Variants in TRNT1 observed in about 807,000 individuals in gnomAD.
TRNT1 encodes tRNA nucleotidyl transferase 1, also known as CCA tRNA nucleotidyltransferase 1, mitochondrial.
Under a neutral mutation model 45.6 loss-of-function variants are expected in TRNT1, and 44 were observed. The observed-to-expected ratio is 0.97, with a 90% CI of 0.76 to 1.24. The LOEUF is 1.24. Among genes scored for constraint, TRNT1 ranks in the 50% most tolerant of loss-of-function variants. The probability of loss-of-function intolerance (pLI) is 0.00; values close to 1 mark genes in which losing one functional copy is unlikely to be tolerated. For synonymous variants in TRNT1, 201 were observed against 171.4 expected (o/e 1.17, Z -1.35); for missense variants, 633 against 504.4 (o/e 1.25, Z -2.44).
intron 2 of TRNT1, chr3:3,131,596 A>G (rs977011192): frequency 7.0e-6 from 1 of 143,516 alleles, no homozygotes; most frequent in African/African-American, 2.5e-5. Flanking sequence ...AAACCTAGGC[A>G]TTACCATTCA....
Position 3,148,099 on chromosome 3 carries a change from A to G in TRNT1, c.1250A>G (p.Lys417Arg), listed in dbSNP as rs754594913. 1.2e-6 allele frequency: 2 copies of G among 1,613,924 alleles called. No individual in the cohort carries two copies. Among genetic ancestry groups the G allele is most frequent in the South Asian group, 2.2e-5 (2 of 91,078 alleles). ...CAACAGTTGCGAGAACAGTGGAAAA[A>G]AAGTGGTTACCAAATGGAAAAAGAT... is the stretch of plus-strand genomic sequence containing the variant. ...LLQQLREQWK[K>R]SGYQMEKDEL... Residue 417 changes from lysine to arginine, a missense_variant, in exon 8 of 8, where the codon AAA becomes AGA. Physicochemically the swap from Lys to Arg is conservative, Grantham distance 26. Transcript: ENST00000251607.
chr3:3,148,262 A>G lies in TRNT1; in HGVS notation c.*108A>G, dbSNP rs1439028674. 1.7e-6 allele frequency: 2 copies of G among 1,202,702 alleles called. No homozygotes were observed. The highest frequency in any genetic ancestry group is 2.3e-6 in the Non-Finnish European group (2 of 859,052). The allele number at this position is 1,202,702 out of a possible 1,614,324, so 74.5% of individuals were successfully genotyped here. ...ACCAGAATAAAAGACAGTTTAGGGG[A>G]CCTCTGTAGAACAACAAGGGTCTTA... On this transcript the variant is annotated 3_prime_UTR_variant, in exon 8 of 8. Transcript: ENST00000251607.
downstream of TRNT1, chr3:3,150,502 ATTGTAGGAAT>A (rs1706446652): frequency 9.3e-6 from 2 of 216,042 alleles, no homozygotes; most frequent in South Asian, 1.3e-4. Context: ...TCAGTTTCAC[ATTGTAGGAAT>A]TTAAGATTTT....
At chr3:3,137,147 A>T in intron 2 of TRNT1, 113 bp from the exon 3 acceptor site, 2 of 801,062 alleles carry the variant, frequency 2.5e-6, no homozygotes, top group Non-Finnish European at 3.7e-6. Context: ...AGCCTCAGTT[A>T]AATGAATCTC....
rs2126017083 is a variant in TRNT1 at position 3,137,151 on chromosome 3, G to C, written c.149-109G>C. On this transcript the variant is annotated intron_variant, in intron 2 of 7. Coordinates refer to ENST00000251607, the MANE Select transcript of TRNT1 (RefSeq NM_182916.3). Reference sequence around the variant, plus strand: ...TTCATATGAAAAGCCTCAGTTAAATGAATCTCTGCTGTTCCAACTAGATGG... The same window carrying C: ...TTCATATGAAAAGCCTCAGTTAAATCAATCTCTGCTGTTCCAACTAGATGG... 3 of 823,280 alleles carry C rather than the reference G, an allele frequency of 3.6e-6. No individual in the cohort carries two copies. In the South Asian group the frequency reaches 7.8e-5, roughly 21 times the overall value. The allele number at this position is 823,280 out of a possible 1,614,324, so 51.0% of individuals were successfully genotyped here. A position where few individuals can be genotyped will look rare whatever the true frequency, so the allele number is the denominator to read the frequency against.
At chr3:3,150,789 T>C (rs1706476079), downstream of TRNT1, 8 of 1,390,736 alleles carry the variant, frequency 5.8e-6, no homozygotes, top group South Asian at 9.8e-5. Flanking sequence ...TAGGTATGTA[T>C]CAGAGGCAAT....
intron 2 of TRNT1, among the ~76,000 whole-genome samples, chr3:3,134,108 T>C (rs979440658): frequency 6.6e-6 from 1 of 152,208 alleles, no homozygotes; most frequent in African/African-American, 2.4e-5. Context: ...CTTTTAGGCT[T>C]AAGTTTACAG....
intron 3 of TRNT1, among the ~76,000 whole-genome samples, chr3:3,138,325 G>T (rs1705448852): frequency 6.6e-6 from 1 of 152,150 alleles, no homozygotes; most frequent in Non-Finnish European, 1.5e-5. Context: ...AAATTTAAAG[G>T]TATTGTTTTC....
rs1165332760 is a variant in TRNT1 at position 3,148,199 on chromosome 3, T to C, written c.*45T>C. On this transcript the variant is annotated 3_prime_UTR_variant, in exon 8 of 8. Transcript: ENST00000251607. ...GCAGAGCATTTCTGGTAAGACTAAA[T>C]TTTCTCCCCTCCCTCTTAATGAGGT... 2 of 1,590,022 alleles carry C rather than the reference T, an allele frequency of 1.3e-6. No individual in the cohort carries two copies. The highest frequency in any genetic ancestry group is 8.5e-7 in the Non-Finnish European group (1 of 1,169,880).
rs1553556578 is a variant in TRNT1 at position 3,148,970 on chromosome 3, T to TAAAGATTTACTCTCTAAAG, written c.*824_*825insACTCTCTAAAGAAAGATTT. 2 of 151,736 alleles carry TAAAGATTTACTCTCTAAAG rather than the reference T, an allele frequency of 1.3e-5. No individual in the cohort carries two copies. The highest frequency in any genetic ancestry group is 3.9e-4 in the East Asian group (2 of 5,184). 9.4% of individuals were successfully genotyped at this position (151,736 alleles called of 1,614,324 possible). On this transcript the variant is annotated 3_prime_UTR_variant, in exon 8 of 8. Transcript: ENST00000251607. ...GATATGGCTATTATTATATATTCTC[T>TAAAGATTTACTCTCTAAAG]AAAGATTTGAGTCCTAAATGCTTTC...
intron 7 of TRNT1, 84 bp from the exon 8 acceptor site, chr3:3,147,822 T>A (rs774443932): frequency 1.7e-5 from 26 of 1,525,202 alleles, no homozygotes; most frequent in Non-Finnish European, 2.0e-5. Context: ...AAAAAATTTA[T>A]GTTGAGTATT....
At chr3:3,131,319 G>C (rs1483075603) in intron 2 of TRNT1, 1 of 152,112 alleles carries the variant, frequency 6.6e-6, no homozygotes, top group African/African-American at 2.4e-5. Context: ...AATTGCAAGA[G>C]GCCTCTTGGA....
chr3:3,130,236 A>G, intron 2 of TRNT1: 1 of 400,100 alleles, frequency 2.5e-6, no homozygotes, highest in East Asian at 4.8e-5. Flanking sequence ...CTTTTAAAGC[A>G]CACATGCTCG....
chr3:3,134,542 C>T (rs1705209571), intron 2 of TRNT1, among the ~76,000 whole-genome samples: 1 of 152,126 alleles, frequency 6.6e-6, no homozygotes, highest in Admixed American at 6.5e-5. Flanking sequence ...GCATGAGAAT[C>T]TTAAAACAGT....
intron 2 of TRNT1, among the ~76,000 whole-genome samples, chr3:3,134,132 C>T (rs1257921526): frequency 1.3e-5 from 2 of 152,096 alleles, no homozygotes; most frequent in Non-Finnish European, 2.9e-5. Flanking sequence ...AATTTAGTTA[C>T]ATTAGGTGTT....
At position 3,148,019 on chromosome 3, in the gene TRNT1, C is replaced by T; in HGVS notation, c.1170C>T (p.Gly390=). 1.9e-6 allele frequency: 3 copies of T among 1,613,866 alleles called. No individual in the cohort carries two copies. Among genetic ancestry groups the T allele is most frequent in the Non-Finnish European group, 2.5e-6 (3 of 1,179,866 alleles). ...QWSIPPFPVS[G]HDIRKVGISS... ...CCATTCCTCCATTTCCTGTAAGTGGCCATGACATCAGAAAAGTGGGCATTT... is the reference window on the plus strand; with the variant it reads ...CCATTCCTCCATTTCCTGTAAGTGGTCATGACATCAGAAAAGTGGGCATTT... Residue 390 remains glycine, a synonymous_variant, in exon 8 of 8, where the codon GGC becomes GGT. Transcript: ENST00000251607.
downstream of TRNT1, chr3:3,150,814 A>ATCTT: frequency 6.4e-7 from 1 of 1,556,982 alleles, no homozygotes; most frequent in Middle Eastern, 1.7e-4. Flanking sequence ...TCCAAAGCAG[A>ATCTT]TCTTAGAATA....
chr3:3,130,658 G>T (rs1476111297), intron 2 of TRNT1: 1 of 152,156 alleles, frequency 6.6e-6, no homozygotes, highest in African/African-American at 2.4e-5. Flanking sequence ...GATAGAAATG[G>T]TGAAATAAAT....
intron 2 of TRNT1, among the ~76,000 whole-genome samples, chr3:3,134,403 T>A (rs1197921312): frequency 6.6e-6 from 1 of 152,190 alleles, no homozygotes; most frequent in African/African-American, 2.4e-5. Context: ...AATGGCAAGG[T>A]TTTTGGAATG....
Sources: gnomAD v4.1 joint callset for allele counts (sites outside exome capture counted in the v4.1 genomes callset) on GRCh38, gnomAD v4.1.1 for gene constraint, MANE v1.5 for transcripts, NCBI Gene and HGNC (gene_info 2026-07-23, HGNC 2026-07-21) for gene names.